TOMM40: variants seen among roughly 807,000 people sequenced by gnomAD.
The protein encoded by TOMM40 is translocase of outer mitochondrial membrane 40.
A neutral mutation model predicts 38.4 loss-of-function variants in TOMM40; 9 were observed. The ratio of observed to expected loss-of-function variants is 0.23; its 90% confidence interval spans 0.14 to 0.41. The LOEUF (loss-of-function observed/expected upper bound fraction) is 0.41, where lower values mean the gene tolerates loss of function less well. TOMM40 is among the 10% of genes least tolerant of loss of function. TOMM40 has a pLI of 1.00. For missense variants in TOMM40, 299 were observed against 486.5 expected (o/e 0.61, Z 3.63); for synonymous variants, 184 against 210.0 (o/e 0.88, Z 1.07).
At chr19:44,901,609 G>A (rs183743534) in intron 8 of TOMM40, 221 of 625,680 alleles carry the variant, frequency 3.5e-4, no homozygotes, top group Admixed American at 7.2e-4. Context: ...GTGTGGTTGC[G>A]GGTGCCTATA....
In TOMM40 at chr19:44,892,403, C is replaced by A. The variant is rs750002866; in HGVS notation, c.285C>A (p.Pro95=). The A allele has an allele frequency of 1.5e-5, 24 of 1,613,618 alleles. No homozygotes were observed. The South Asian group carries it at 2.6e-4, about 18-fold the overall frequency. ...ECHRKCKELF[P]IQMEGVKLTV... Reference sequence around the variant, plus strand: ...GTTTCTCTTCTCCAGAGCTGTTTCCCATTCAGATGGAGGGTGTCAAGCTCA... The same window carrying A: ...GTTTCTCTTCTCCAGAGCTGTTTCCAATTCAGATGGAGGGTGTCAAGCTCA... The change falls in exon 2 of 9, where the codon CCC becomes CCA. Residue 95 remains proline (P), a synonymous_variant. Coordinates refer to ENST00000426677, the MANE Select transcript of TOMM40 (RefSeq NM_001128917.2).
intron 3 of TOMM40, among the ~76,000 whole-genome samples, chr19:44,893,473 A>G (rs1325640908): frequency 6.6e-6 from 1 of 152,200 alleles, no homozygotes; most frequent in Non-Finnish European, 1.5e-5. Context: ...TTATTCTGCA[A>G]ACCTTCATTG....
At chr19:44,892,496 G>C in intron 2 of TOMM40, 36 bp downstream of exon 2, 2 of 1,585,826 alleles carry the variant, frequency 1.3e-6, no homozygotes, top group Non-Finnish European at 1.7e-6. Context: ...ACCAGAGATC[G>C]TCCCCGCCGT....
chr19:44,900,031 A>G lies in TOMM40; in HGVS notation c.644-699A>G, dbSNP rs369568268. On this transcript the variant is annotated intron_variant, in intron 5 of 8. Transcript: ENST00000426677. ...CTATAAAATCACATTTGTGGCCTGT[A>G]CCCTGCTAGGCTCGAAAGACACCAA... Among the ~76,000 whole-genome samples, 3 of 151,766 alleles carry G rather than the reference A, an allele frequency of 2.0e-5. No individual in the cohort carries two copies. The East Asian group carries it at 5.8e-4, about 29-fold the overall frequency.
intron 5 of TOMM40, among the ~76,000 whole-genome samples, chr19:44,897,919 C>T (rs911031568): frequency 1.3e-5 from 2 of 151,988 alleles, no homozygotes; most frequent in Admixed American, 6.6e-5. Flanking sequence ...TACTGTGCCC[C>T]GCCCGTGTGA....
intron 8 of TOMM40, 43 bp from the exon 9 acceptor site, chr19:44,902,987 G>A (rs1489662864): frequency 3.8e-6 from 6 of 1,596,706 alleles, no homozygotes; most frequent in East Asian, 2.3e-5. Flanking sequence ...GCATGGATAT[G>A]GTGGGAAGCT....
chr19:44,898,534 T>C (rs919406122), intron 5 of TOMM40, among the ~76,000 whole-genome samples: 4 of 146,156 alleles, frequency 2.7e-5, no homozygotes, highest in Non-Finnish European at 4.5e-5. Context: ...TCTTTTTTTT[T>C]TTTTTTTGTC....
intron 5 of TOMM40, among the ~76,000 whole-genome samples, chr19:44,899,208 G>A (rs888494142): frequency 3.3e-5 from 5 of 151,466 alleles, no homozygotes; most frequent in African/African-American, 7.3e-5. Flanking sequence ...GTGCAGTGGC[G>A]TGATCATAGC....
In TOMM40 at chr19:44,901,197, G is replaced by T. The variant is rs775880558; in HGVS notation, c.844-11G>T. 2 of 1,614,028 alleles carry T rather than the reference G, an allele frequency of 1.2e-6. No individual in the cohort carries two copies. Among genetic ancestry groups the T allele is most frequent in the Non-Finnish European group, 1.7e-6 (2 of 1,179,948 alleles). On this transcript the variant is annotated splice_polypyrimidine_tract_variant and intron_variant, in intron 7 of 8. Coordinates refer to ENST00000426677, the MANE Select transcript of TOMM40 (RefSeq NM_001128917.2). ...CTTGCTAATTCTCATGTGTTGCTCC[G>T]GCCCCTCCAGCTGCAGGTGGGTGTG...
intron 8 of TOMM40, 130 bp from the exon 9 acceptor site, chr19:44,902,900 A>C (rs1313618487): frequency 2.6e-6 from 3 of 1,176,272 alleles, no homozygotes; most frequent in Non-Finnish European, 3.5e-6. Context: ...ATGGGGTTTC[A>C]GGGTGGCAGG....
intron 5 of TOMM40, among the ~76,000 whole-genome samples, chr19:44,898,624 G>A (rs1039369072): frequency 2.1e-5 from 3 of 141,816 alleles, no homozygotes; most frequent in East Asian, 2.2e-4. Flanking sequence ...TGCAACTTCC[G>A]CCTCCCGGGT....
At chr19:44,900,632 C>A (rs1335940566) in intron 5 of TOMM40, 98 bp from the exon 6 acceptor site, 24 of 1,601,340 alleles carry the variant, frequency 1.5e-5, no homozygotes, top group Non-Finnish European at 1.8e-5. Context: ...GAGAGCAAGC[C>A]CAAGCCTCCA....
At chr19:44,896,116 G>A (rs1030246273) in intron 5 of TOMM40, among the ~76,000 whole-genome samples, 2 of 152,150 alleles carry the variant, frequency 1.3e-5, no homozygotes, top group African/African-American at 2.4e-5. Flanking sequence ...GTGCCGCCTC[G>A]CTCGCCTGGT....
At chr19:44,901,468 T>C (rs1207433591) in intron 8 of TOMM40, 158 bp downstream of exon 8, 81 of 1,467,076 alleles carry the variant, frequency 5.5e-5, no homozygotes, top group Non-Finnish European at 6.9e-5. Flanking sequence ...TGGGGCCGGG[T>C]GCGGTGGCTC....
intron 5 of TOMM40, among the ~76,000 whole-genome samples, chr19:44,896,374 C>T (rs1422675463): frequency 6.6e-6 from 1 of 152,176 alleles, no homozygotes; most frequent in Non-Finnish European, 1.5e-5. Context: ...GCTTCAGTCT[C>T]CTCATCTGTC....
chr19:44,892,244 T>G, intron 1 of TOMM40, 149 bp from the exon 2 acceptor site: 1 of 790,976 alleles, frequency 1.3e-6, no homozygotes, highest in Non-Finnish European at 2.1e-6. Context: ...TGGCCCTGTC[T>G]AACTAGGCTG....
rs541036852 is a variant in TOMM40, at chr19:44,893,947, C to A, written c.538-14C>A. On this transcript the variant is annotated splice_polypyrimidine_tract_variant and intron_variant, in intron 4 of 8. Transcript: ENST00000426677. ...TGAGCAGGGAGCCGCCCTCACACCC[C>A]CTCCTCTCCACAGACCCAGCAGTCG... The A allele has an allele frequency of 6.3e-6, 10 of 1,590,696 alleles. No individual in the cohort carries two copies. Among genetic ancestry groups the A allele is most frequent in the Non-Finnish European group, 8.6e-6 (10 of 1,167,066 alleles).
chr19:44,895,338 G>A (rs1599938592), intron 5 of TOMM40, among the ~76,000 whole-genome samples: 2 of 152,142 alleles, frequency 1.3e-5, no homozygotes, highest in Admixed American at 1.3e-4. Context: ...AGCAGGAACA[G>A]GGGTGAGGGA....
At chr19:44,895,747 A>G (rs911714209) in intron 5 of TOMM40, among the ~76,000 whole-genome samples, 1 of 152,030 alleles carries the variant, frequency 6.6e-6, no homozygotes, top group Non-Finnish European at 1.5e-5. Context: ...GGTTTTCGCC[A>G]TGTCGGCCAG....
Sources: allele counts gnomAD v4.1 joint callset (sites outside exome capture counted in the v4.1 genomes callset), GRCh38; gene constraint gnomAD v4.1.1; transcripts MANE v1.5; gene names NCBI Gene and HGNC (gene_info 2026-07-23, HGNC 2026-07-21).